The following UST variants were observed in gnomAD, a reference collection of about 807,000 sequenced individuals.
The protein encoded by UST is chondroitin sulfate 2-O-sulfotransferase.
Under a neutral mutation model 45.6 loss-of-function variants are expected in UST, and 21 were observed. The ratio of observed to expected loss-of-function variants is 0.46; its 90% CI spans 0.33 to 0.66. The LOEUF is 0.66. Among genes scored for constraint, UST ranks in the 30% least tolerant of loss-of-function variants. The pLI is 0.02. For missense variants in UST, 463 were observed against 512.4 expected, an observed-to-expected ratio of 0.90 and a Z score of 0.93; for synonymous variants, 215 against 200.6, an observed-to-expected ratio of 1.07 and a Z score of -0.61.
chr6:148,901,199 C>T (rs748285908), intron 2 of UST, among the ~76,000 whole-genome samples: 4 of 152,290 alleles, frequency 2.6e-5, no homozygotes, highest in Admixed American at 6.5e-5. Context: ...CAAGAACAGG[C>T]GCATGGGACA....
intron 2 of UST, among the ~76,000 whole-genome samples, chr6:148,940,102 C>T (rs905487383): frequency 9.9e-5 from 15 of 152,110 alleles, no homozygotes; most frequent in African/African-American, 3.6e-4. Flanking sequence ...TGAAAAAATG[C>T]TCAACATCAT....
chr6:148,813,140 T>C (rs548507691), intron 1 of UST, among the ~76,000 whole-genome samples: 7 of 152,336 alleles, frequency 4.6e-5, no homozygotes, highest in African/African-American at 1.7e-4. Flanking sequence ...ATTATTCTTA[T>C]GGTTTTAATG....
In UST at chr6:148,790,532, A is replaced by G. The variant is rs778760775; in HGVS notation, c.247+42855A>G. Among the ~76,000 whole-genome samples, 29 of 152,262 alleles carry G rather than the reference A, an allele frequency of 1.9e-4. No homozygotes were observed. Among genetic ancestry groups the G allele is most frequent in the Admixed American group, 3.3e-4 (5 of 15,300 alleles). ...CCACGTCCCACCTTGTGCCTGGTGA[A>G]TGTCAGCCCTGCACTGTTAAGGTGC... On this transcript the variant is annotated intron_variant, in intron 1 of 7. Transcript: ENST00000367463. This position sits in a 1 kb window ranked among gnomAD's most constrained non-coding sequence, Gnocchi z 4.2.
chr6:148,958,170 GCTGA>G (rs1423621994), intron 4 of UST, among the ~76,000 whole-genome samples: 2 of 151,680 alleles, frequency 1.3e-5, no homozygotes, highest in African/African-American at 4.9e-5. Flanking sequence ...TGTTTCTCTA[GCTGA>G]CCTACTTCGT....
At chr6:149,046,483 G>T (rs1024489755) in intron 7 of UST, among the ~76,000 whole-genome samples, 1 of 152,230 alleles carries the variant, frequency 6.6e-6, no homozygotes, top group Admixed American at 6.5e-5. Context: ...CCTTTCCTGA[G>T]ATGTGAAAAT....
chr6:148,788,556 G>A (rs2114699587), intron 1 of UST, among the ~76,000 whole-genome samples: 1 of 152,196 alleles, frequency 6.6e-6, no homozygotes, highest in South Asian at 2.1e-4. Context: ...TGAGCCGTTT[G>A]TACAGATCAC....
intron 1 of UST, among the ~76,000 whole-genome samples, chr6:148,820,833 A>G (rs933378669): frequency 1.4e-5 from 2 of 147,492 alleles, no homozygotes; most frequent in African/African-American, 2.5e-5. Context: ...AGCCTGGGCA[A>G]CAGAGCGAGA....
At chr6:149,055,350 G>A (rs1047135475) in intron 7 of UST, among the ~76,000 whole-genome samples, 29 of 152,160 alleles carry the variant, frequency 1.9e-4, no homozygotes, top group African/African-American at 7.0e-4. Flanking sequence ...TCAGTTTTAT[G>A]CAGTTAAGTT....
intron 2 of UST, among the ~76,000 whole-genome samples, chr6:148,896,039 TATA>T (rs1269878782): frequency 1.3e-5 from 2 of 152,196 alleles, no homozygotes; most frequent in Non-Finnish European, 2.9e-5. Context: ...CCAAATATAT[TATA>T]ATGATAGTAG....
chr6:148,888,719 T>C (rs530735271), intron 2 of UST, among the ~76,000 whole-genome samples: 76 of 152,230 alleles, frequency 5.0e-4, no homozygotes, highest in Non-Finnish European at 9.4e-4. Context: ...GCAGTATTTA[T>C]CACAGTCGTG....
rs960965701 is a variant in UST, at chr6:148,938,771, A to G, written c.292-2508A>G. 4.6e-5 allele frequency among the ~76,000 whole-genome samples: 7 copies of G among 151,230 alleles called. No individual in the cohort carries two copies. In the South Asian group the frequency reaches 1.5e-3, roughly 31 times the overall value. ...AATAGCTATGAAAAATATATAATAA[A>G]GTAGATAATAGTATAAATAGTATAT... On this transcript the variant is annotated intron_variant, in intron 2 of 7. Coordinates refer to ENST00000367463, the MANE Select transcript of UST (RefSeq NM_005715.3).
intron 7 of UST, among the ~76,000 whole-genome samples, chr6:149,049,821 T>G (rs1441576951): frequency 6.6e-6 from 1 of 152,058 alleles, no homozygotes; most frequent in African/African-American, 2.4e-5. Flanking sequence ...CTCTCTAAGA[T>G]ATCTAACCTC....
intron 1 of UST, 31 bp from the exon 2 acceptor site, chr6:148,886,955 G>A (rs200990082): frequency 6.3e-5 from 101 of 1,592,888 alleles, no homozygotes; most frequent in Non-Finnish European, 8.3e-5. Flanking sequence ...TTTAAAAAAC[G>A]GATTCATCAA....
intron 3 of UST, among the ~76,000 whole-genome samples, chr6:148,947,923 A>G (rs1179308791): frequency 2.5e-5 from 1 of 39,608 alleles, no homozygotes; most frequent in Non-Finnish European, 5.9e-5. Context: ...AACTTGGTGG[A>G]AAAAAAAAAA....
intron 2 of UST, among the ~76,000 whole-genome samples, chr6:148,926,973 G>A (rs1399458472): frequency 6.6e-6 from 1 of 151,924 alleles, no homozygotes; most frequent in Non-Finnish European, 1.5e-5. Context: ...TTGAAGGTGA[G>A]GACTCTATGG....
intron 7 of UST, among the ~76,000 whole-genome samples, chr6:149,064,580 T>C (rs1233096759): frequency 1.3e-5 from 2 of 152,192 alleles, no homozygotes; most frequent in Non-Finnish European, 2.9e-5. Flanking sequence ...AGGAAGATGA[T>C]ATTGGGCACA....
At chr6:149,028,486 T>C (rs1562333552) in intron 7 of UST, among the ~76,000 whole-genome samples, 1 of 152,114 alleles carries the variant, frequency 6.6e-6, no homozygotes, top group Admixed American at 6.5e-5. Context: ...AGGAAAAAAT[T>C]GGAAGGAACA....
chr6:148,808,388 G>T (rs1238067404), intron 1 of UST, among the ~76,000 whole-genome samples: 2 of 152,042 alleles, frequency 1.3e-5, no homozygotes, highest in African/African-American at 4.8e-5. Flanking sequence ...TCCTAAACAT[G>T]ACCCCTTTCC....
chr6:149,000,756 G>A (rs1781532687), intron 5 of UST, among the ~76,000 whole-genome samples: 1 of 152,008 alleles, frequency 6.6e-6, no homozygotes, highest in South Asian at 2.1e-4. Context: ...CATGAAACAA[G>A]GACATGAGGA....
Sources: allele counts gnomAD v4.1 joint callset (sites outside exome capture counted in the v4.1 genomes callset), GRCh38; gene constraint gnomAD v4.1.1; non-coding constraint Gnocchi (gnomAD v3.1); transcripts MANE v1.5; gene names NCBI Gene and HGNC (gene_info 2026-07-23, HGNC 2026-07-21).